The following SORCS3 variants were observed in gnomAD, a reference collection of about 807,000 sequenced individuals.
SORCS3 encodes the protein VPS10 domain-containing receptor SorCS3.
In SORCS3, 57 loss-of-function variants were observed where a neutral mutation model predicts 146.3. The ratio of observed to expected loss-of-function variants is 0.39; its 90% CI spans 0.31 to 0.49. The LOEUF (loss-of-function observed/expected upper bound fraction) is 0.49. Among genes scored for constraint, SORCS3 ranks in the 20% least tolerant of loss-of-function variants. The pLI is 0.92. For synonymous variants in SORCS3, 653 were observed against 618.5 expected (o/e 1.06, Z -0.83); for missense variants, 1,341 against 1,575.5 (o/e 0.85, Z 2.52).
intron 8 of SORCS3, among the ~76,000 whole-genome samples, chr10:105,146,609 A>T (rs955736307): frequency 2.6e-5 from 4 of 152,046 alleles, no homozygotes; most frequent in Non-Finnish European, 5.9e-5. Context: ...CATCAGTTTG[A>T]AATCTCTAAT....
intron 14 of SORCS3, among the ~76,000 whole-genome samples, chr10:105,193,267 T>TGCAA (rs1240707357): frequency 6.6e-6 from 1 of 152,194 alleles, no homozygotes; most frequent in Admixed American, 6.5e-5. Context: ...CCTGAGATTG[T>TGCAA]TTCTGTCCTT....
chr10:105,204,327 C>CTTGTTT (rs1564784238), intron 16 of SORCS3, among the ~76,000 whole-genome samples: 1 of 152,080 alleles, frequency 6.6e-6, no homozygotes, highest in Non-Finnish European at 1.5e-5. Context: ...AGAAATCAAA[C>CTTGTTT]AAGTCTTTAT....
chr10:104,985,972 G>C (rs1227834683), intron 4 of SORCS3, among the ~76,000 whole-genome samples: 3 of 152,156 alleles, frequency 2.0e-5, no homozygotes, highest in African/African-American at 7.2e-5. Context: ...CAAATCATAA[G>C]TGAGCATTGA....
intron 2 of SORCS3, among the ~76,000 whole-genome samples, chr10:104,859,486 A>T (rs2018375605): frequency 1.3e-5 from 2 of 152,208 alleles, no homozygotes; most frequent in Admixed American, 6.5e-5. Flanking sequence ...CCTAGGCATT[A>T]CCATTCAGGA....
chr10:104,856,750 G>GAT (rs1337826694), intron 2 of SORCS3, among the ~76,000 whole-genome samples: 1 of 141,452 alleles, frequency 7.1e-6, no homozygotes, highest in East Asian at 2.0e-4. Context: ...TCTCTAATTA[G>GAT]ATATATATAA....
intron 4 of SORCS3, among the ~76,000 whole-genome samples, chr10:105,024,770 G>T (rs1378045217): frequency 6.6e-6 from 1 of 152,130 alleles, no homozygotes; most frequent in Non-Finnish European, 1.5e-5. Context: ...ATGTATGCAT[G>T]TGCACCAACT....
At chr10:105,238,447 T>C (rs1242147342) in intron 20 of SORCS3, among the ~76,000 whole-genome samples, 1 of 152,212 alleles carries the variant, frequency 6.6e-6, no homozygotes, top group Non-Finnish European at 1.5e-5. Context: ...ATATACAAAG[T>C]TGAGCCTAAG....
chr10:104,774,033 G>A (rs1419628965), intron 1 of SORCS3, among the ~76,000 whole-genome samples: 1 of 152,146 alleles, frequency 6.6e-6, no homozygotes, highest in East Asian at 1.9e-4. Flanking sequence ...TTGTTTTTGA[G>A]TATTGTTTTA....
chr10:105,203,157 G>A (rs1449305476), intron 16 of SORCS3, among the ~76,000 whole-genome samples: 1 of 152,126 alleles, frequency 6.6e-6, no homozygotes, highest in Non-Finnish European at 1.5e-5. Context: ...CTCTCCACCT[G>A]TTCTTTATCC....
rs905642297 is a variant in SORCS3 at position 105,109,191 on chromosome 10, T to C, written c.1212+3676T>C. Among the ~76,000 whole-genome samples, 4 of 152,166 alleles carry C rather than the reference T, an allele frequency of 2.6e-5. No homozygotes were observed. The East Asian group carries it at 7.7e-4, about 29-fold the overall frequency. On this transcript the variant is annotated intron_variant, in intron 7 of 26. Coordinates refer to ENST00000369701, the MANE Select transcript of SORCS3 (RefSeq NM_014978.3). ...TTCCTTGAATTTCTAATTTTCTCCCTCTCTTTAATTCTTCCACTACCTAAT... is the reference window on the plus strand; with the variant it reads ...TTCCTTGAATTTCTAATTTTCTCCCCCTCTTTAATTCTTCCACTACCTAAT...
intron 1 of SORCS3, among the ~76,000 whole-genome samples, chr10:104,655,517 T>G (rs1160793742): frequency 6.6e-6 from 1 of 152,172 alleles, no homozygotes; most frequent in Admixed American, 6.5e-5. Context: ...TTTGGTTTCT[T>G]TTTCTTTAAA....
intron 2 of SORCS3, among the ~76,000 whole-genome samples, chr10:104,851,355 GT>G (rs1294116104): frequency 1.3e-5 from 2 of 152,084 alleles, no homozygotes; most frequent in African/African-American, 2.4e-5. Flanking sequence ...ATTTTATGTT[GT>G]ATTCCCTTTC....
chr10:105,118,289 C>T (rs1052898278), intron 7 of SORCS3, among the ~76,000 whole-genome samples: 4 of 152,120 alleles, frequency 2.6e-5, no homozygotes, highest in South Asian at 2.1e-4. Context: ...TTCCTGCCCC[C>T]GCTGTGAAGA....
intron 1 of SORCS3, among the ~76,000 whole-genome samples, chr10:104,748,574 TG>T (rs2133466799): frequency 6.6e-6 from 1 of 152,262 alleles, no homozygotes; most frequent in East Asian, 1.9e-4. Flanking sequence ...AGACTCCTGC[TG>T]GGTGCAGTGG....
At chr10:105,196,886 G>A (rs929027888) in intron 14 of SORCS3, among the ~76,000 whole-genome samples, 1 of 152,142 alleles carries the variant, frequency 6.6e-6, no homozygotes, top group African/African-American at 2.4e-5. Context: ...TAGTTCTGGA[G>A]TTTAGAGTCC....
intron 1 of SORCS3, among the ~76,000 whole-genome samples, chr10:104,754,462 C>CT (rs950270838): frequency 9.9e-5 from 15 of 152,228 alleles, no homozygotes; most frequent in African/African-American, 3.4e-4. Flanking sequence ...GAGGGCAACA[C>CT]TTTTGCTGCA....
chr10:104,949,116 T>TA (rs900040305), intron 3 of SORCS3, among the ~76,000 whole-genome samples: 1 of 152,100 alleles, frequency 6.6e-6, no homozygotes, highest in Admixed American at 6.5e-5. Context: ...TTTTCATGCT[T>TA]AAAAAAATCA....
chr10:105,143,964 C>T (rs569281510), intron 8 of SORCS3, among the ~76,000 whole-genome samples: 1 of 152,128 alleles, frequency 6.6e-6, no homozygotes. Context: ...CATTGCCCCT[C>T]TTAAGTCTTC....
intron 13 of SORCS3, among the ~76,000 whole-genome samples, chr10:105,170,493 C>G (rs2056350152): frequency 6.6e-6 from 1 of 152,010 alleles, no homozygotes; most frequent in Non-Finnish European, 1.5e-5. Flanking sequence ...ATTTGTTTGG[C>G]TGTTCTAACT....
Sources: allele counts gnomAD v4.1 joint callset (sites outside exome capture counted in the v4.1 genomes callset), GRCh38; gene constraint gnomAD v4.1.1; transcripts MANE v1.5; gene names NCBI Gene and HGNC (gene_info 2026-07-23, HGNC 2026-07-21).